PPL: variants seen among roughly 807,000 people sequenced by gnomAD.
PPL encodes periplakin.
A neutral mutation model predicts 194.4 loss-of-function variants in PPL; 198 were observed. The observed-to-expected ratio is 1.02, with a 90% CI of 0.91 to 1.15. The LOEUF (loss-of-function observed/expected upper bound fraction) is 1.15. Among genes scored for constraint, PPL ranks in the 50% most tolerant of loss-of-function variants. PPL has a pLI of 0.00. For synonymous variants in PPL, 1,220 were observed against 972.4 expected (o/e 1.25, Z -4.74); for missense variants, 2,885 against 2,294.8 (o/e 1.26, Z -5.25).
In PPL at chr16:4,928,912, G is replaced by A. The variant is rs1005622561; in HGVS notation, c.62+8072C>T. Among the ~76,000 whole-genome samples, 6 of 151,176 alleles carry A rather than the reference G, an allele frequency of 4.0e-5. No homozygotes were observed. In the East Asian group the frequency reaches 5.9e-4, roughly 15 times the overall value. On this transcript the variant is annotated intron_variant, in intron 1 of 21. Transcript: ENST00000345988. The stretch of plus-strand genomic sequence containing the variant: ...TGTAATCCCAGCTACTTGGGAGGCT[G>A]AGGCAGGAGAATCACTTGAACCCAG...
intron 1 of PPL, among the ~76,000 whole-genome samples, chr16:4,923,310 AC>A (rs1424309982): frequency 6.6e-6 from 1 of 152,156 alleles, no homozygotes; most frequent in African/African-American, 2.4e-5. Flanking sequence ...TGCAACAGCC[AC>A]CCACTCTCTT....
At chr16:4,936,887 G>C (rs937809384) in intron 1 of PPL, 97 bp downstream of exon 1, 2 of 1,254,000 alleles carry the variant, frequency 1.6e-6, no homozygotes, top group Non-Finnish European at 2.2e-6. Context: ...CTGGACCCCC[G>C]TACCCCCCAT....
chr16:4,884,378 C>A lies in PPL; in HGVS notation c.4277G>T (p.Arg1426Leu). 1 of 1,611,716 alleles carries A rather than the reference C, an allele frequency of 6.2e-7. No individual in the cohort carries two copies. The highest frequency in any genetic ancestry group is 8.5e-7 in the Non-Finnish European group (1 of 1,179,578). ...TTCTTCCTGCTCCAGCGCTGCCAGC[C>A]GCTGCTGCAACCGCTGTACCTCGCG... ...AEREVQRLQQ[R>L]LAALEQEEAE... Residue 1426 changes from arginine to leucine, a missense_variant, in exon 22 of 22, where the codon CGG becomes CTG. Transcript: ENST00000345988. This position sits in a 1 kb window ranked among gnomAD's most constrained non-coding sequence, Gnocchi z 5.7.
At position 4,885,692 on chromosome 16, in the gene PPL, C is replaced by G; in HGVS notation, c.2963G>C (p.Gly988Ala). 6.2e-7 allele frequency: 1 copy of G among 1,613,324 alleles called. No homozygotes were observed. The highest frequency in any genetic ancestry group is 8.5e-7 in the Non-Finnish European group (1 of 1,179,914). Residue 988 changes from glycine (G) to alanine (A), a missense_variant, in exon 22 of 22, where the codon GGG becomes GCG. By Grantham distance (60) the Gly-to-Ala change is moderately conservative (BLOSUM62 0). Coordinates refer to ENST00000345988, the MANE Select transcript of PPL (RefSeq NM_002705.5). This position sits in a 1 kb window ranked among gnomAD's most constrained non-coding sequence, Gnocchi z 6.3. ...CTCCTTGACCACGTACTCCTGCCCC[C>G]CGTCTCTGGTCTCCTGCTCCAGGGC... ...LRALEQETRD[G>A]GQEYVVKEVL...
chr16:4,884,763 A>G lies in PPL; in HGVS notation c.3892T>C (p.Phe1298Leu). ...TKEVVQEILQ[F>L]QEDPQTKEEV... ...TCCTTGGTTTGAGGGTCTTCTTGGAATTGGAGGATCTCCTGGACCACCTCT... is the reference window on the plus strand; with the variant it reads ...TCCTTGGTTTGAGGGTCTTCTTGGAGTTGGAGGATCTCCTGGACCACCTCT... Residue 1298 changes from phenylalanine (F) to leucine (L), a missense_variant, in exon 22 of 22, where the codon TTC becomes CTC. Transcript: ENST00000345988. This position sits in a 1 kb window ranked among gnomAD's most constrained non-coding sequence, Gnocchi z 5.7. 1.2e-6 allele frequency: 2 copies of G among 1,614,038 alleles called. No homozygotes were observed. The highest frequency in any genetic ancestry group is 2.2e-5 in the East Asian group (1 of 44,862).
At chr16:4,918,064 G>A (rs1174499619) in intron 1 of PPL, among the ~76,000 whole-genome samples, 5 of 151,786 alleles carry the variant, frequency 3.3e-5, no homozygotes, top group East Asian at 1.9e-4. Flanking sequence ...AGGCTGAGTC[G>A]GGCAGATCAC....
intron 19 of PPL, chr16:4,888,662 T>C: frequency 2.5e-6 from 1 of 394,712 alleles, no homozygotes; most frequent in Non-Finnish European, 4.6e-6. Flanking sequence ...TCCAGCGTAC[T>C]AGTTTTGCTA....
intron 2 of PPL, among the ~76,000 whole-genome samples, chr16:4,910,557 G>C (rs1223495545): frequency 6.6e-6 from 1 of 152,084 alleles, no homozygotes; most frequent in Non-Finnish European, 1.5e-5. Context: ...TATCCGGGAG[G>C]TACTAGTATT....
Position 4,919,401 on chromosome 16 carries a change from TG to T in PPL, c.63-8453del, listed in dbSNP as rs1250627158. Among the ~76,000 whole-genome samples the T allele has an allele frequency of 2.0e-5, 3 of 152,218 alleles. 1 individual carries two copies. The highest frequency in any genetic ancestry group is 2.0e-4 in the Admixed American group (3 of 15,282). On this transcript the variant is annotated intron_variant, in intron 1 of 21. Coordinates refer to ENST00000345988, the MANE Select transcript of PPL (RefSeq NM_002705.5). ...TGACAGTGTGACAGAGGAGCTACAC[TG>T]TATTTCTTTTTTAATCTTTTTATAT... is the stretch of plus-strand genomic sequence containing the variant.
At chr16:4,915,637 T>G (rs2088902251) in intron 1 of PPL, among the ~76,000 whole-genome samples, 1 of 152,234 alleles carries the variant, frequency 6.6e-6, no homozygotes, top group Non-Finnish European at 1.5e-5. Context: ...TGTGATCGAC[T>G]GGGCTAGAAG....
chr16:4,907,753 G>C (rs527475180), intron 2 of PPL, among the ~76,000 whole-genome samples: 52 of 152,218 alleles, frequency 3.4e-4, no homozygotes, highest in Middle Eastern at 6.8e-3. Flanking sequence ...ACAGAACTGG[G>C]AAATGAAATA....
chr16:4,933,859 C>G (rs17137459), intron 1 of PPL, among the ~76,000 whole-genome samples: 1 of 152,222 alleles, frequency 6.6e-6, no homozygotes, highest in Admixed American at 6.5e-5. Flanking sequence ...AAGTTTAACC[C>G]TGGGTACACC....
chr16:4,926,278 C>T (rs182044456), intron 1 of PPL, among the ~76,000 whole-genome samples: 25 of 152,316 alleles, frequency 1.6e-4, no homozygotes, highest in African/African-American at 5.8e-4. Flanking sequence ...TGGGCACTTT[C>T]TAGATATTCA....
At position 4,885,723 on chromosome 16, in the gene PPL, G is replaced by A. The variant is rs2088206285; in HGVS notation, c.2932C>T (p.Leu978=). The change falls in exon 22 of 22, where the codon CTG becomes TTG. Residue 978 remains leucine (L), a synonymous_variant. Transcript: ENST00000345988. The surrounding 1 kb of genome is among the most constrained non-coding windows in gnomAD (Gnocchi z 6.3). ...QEELEALQLQ[L]RALEQETRDG... The stretch of plus-strand genomic sequence containing the variant: ...CTGGTCTCCTGCTCCAGGGCACGCA[G>A]CTGCAGCTGCAGTGCCTCCAGCTCC... 5.0e-6 allele frequency: 8 copies of A among 1,612,906 alleles called. No homozygotes were observed. The highest frequency in any genetic ancestry group is 1.3e-5 in the African/African-American group (1 of 74,886).
chr16:4,921,694 T>C (rs567665672), intron 1 of PPL, among the ~76,000 whole-genome samples: 3 of 152,290 alleles, frequency 2.0e-5, no homozygotes, highest in East Asian at 3.9e-4. Flanking sequence ...CTCGAACTCC[T>C]GGCCTCAAGT....
chr16:4,924,632 GCTGC>G lies in PPL; in HGVS notation c.62+12348_62+12351del, dbSNP rs551426815. ...GGTCTCCTCTGTGGGTCCCTCCCTG[GCTGC>G]CTGACTCCAAAACAACCTGGGGCTC... is the stretch of plus-strand genomic sequence containing the variant. On this transcript the variant is annotated intron_variant, in intron 1 of 21. Coordinates refer to ENST00000345988, the MANE Select transcript of PPL (RefSeq NM_002705.5). 2.9e-4 allele frequency among the ~76,000 whole-genome samples: 44 copies of G among 152,260 alleles called. No individual in the cohort carries two copies. In the South Asian group the frequency reaches 7.3e-3, roughly 25 times the overall value.
At chr16:4,930,148 C>A (rs1328411775) in intron 1 of PPL, among the ~76,000 whole-genome samples, 2 of 152,230 alleles carry the variant, frequency 1.3e-5, no homozygotes, top group Non-Finnish European at 2.9e-5. Flanking sequence ...TGGATACACA[C>A]ATCCCCGTCA....
At chr16:4,928,055 G>T (rs1427657228) in intron 1 of PPL, among the ~76,000 whole-genome samples, 1 of 152,210 alleles carries the variant, frequency 6.6e-6, no homozygotes, top group East Asian at 1.9e-4. Context: ...CCTAGACTCG[G>T]GGGATAAACA....
At chr16:4,936,504 C>G (rs368770131) in intron 1 of PPL, among the ~76,000 whole-genome samples, 10 of 152,204 alleles carry the variant, frequency 6.6e-5, no homozygotes, top group Non-Finnish European at 8.8e-5. Flanking sequence ...AGAGCGCCCC[C>G]CGACGCCAGC....
Sources: allele counts gnomAD v4.1 joint callset (sites outside exome capture counted in the v4.1 genomes callset), GRCh38; gene constraint gnomAD v4.1.1; non-coding constraint Gnocchi (gnomAD v3.1); transcripts MANE v1.5; gene names NCBI Gene and HGNC (gene_info 2026-07-23, HGNC 2026-07-21).